Variants in TRDN observed in about 807,000 individuals in gnomAD.
TRDN encodes the protein triadin in skeletal muscle.
TRDN carries 161 observed loss-of-function variants against 149.7 expected under a neutral mutation model. The ratio of observed to expected loss-of-function variants is 1.08; its 90% CI spans 0.95 to 1.23. The LOEUF is 1.23. TRDN is among the 50% of genes most tolerant of loss of function. The probability of loss-of-function intolerance (pLI) is 0.00; values close to 1 mark genes in which losing one functional copy is unlikely to be tolerated. For synonymous variants in TRDN, 294 were observed against 250.5 expected (o/e 1.17, Z -1.64); for missense variants, 896 against 823.5 (o/e 1.09, Z -1.08).
chr6:123,411,991 G>C (rs1773459538), intron 12 of TRDN: 2 of 152,174 alleles, frequency 1.3e-5, no homozygotes, highest in African/African-American at 4.8e-5. Flanking sequence ...ACCAGCTTAT[G>C]AGACCAGATA....
intron 19 of TRDN, among the ~76,000 whole-genome samples, chr6:123,368,717 A>T (rs533297531): frequency 6.6e-6 from 1 of 152,226 alleles, no homozygotes; most frequent in African/African-American, 2.4e-5. Flanking sequence ...TTACTGCCAG[A>T]ATTTTGATTT....
intron 12 of TRDN, among the ~76,000 whole-genome samples, chr6:123,400,297 C>G (rs571964611): frequency 6.6e-6 from 1 of 151,588 alleles, no homozygotes; most frequent in Admixed American, 6.6e-5. Flanking sequence ...GTCTAGTTGA[C>G]AGGGCCTCTA....
intron 38 of TRDN, among the ~76,000 whole-genome samples, chr6:123,234,194 T>C (rs1775706981): frequency 6.6e-6 from 1 of 152,102 alleles, no homozygotes; most frequent in Admixed American, 6.6e-5. Context: ...ATTATGAATT[T>C]AGTGCTAATT....
chr6:123,299,149 GA>G (rs957101257), intron 24 of TRDN, among the ~76,000 whole-genome samples: 5 of 151,936 alleles, frequency 3.3e-5, no homozygotes, highest in African/African-American at 1.2e-4. Flanking sequence ...GGGTCTTAGG[GA>G]AAAAAATGAG....
At chr6:123,442,535 G>A (rs1774975459) in intron 10 of TRDN, among the ~76,000 whole-genome samples, 1 of 87,272 alleles carries the variant, frequency 1.1e-5, no homozygotes, top group East Asian at 2.6e-4. Context: ...CACAGAGCGA[G>A]ACTCCGTCTC....
intron 20 of TRDN, among the ~76,000 whole-genome samples, chr6:123,354,469 C>A (rs75937477): frequency 0.058 from 8,866 of 151,710 alleles, 870 homozygotes; most frequent in African/African-American, 0.2. Context: ...GTTTATTCAT[C>A]CAATCTTATT....
At chr6:123,492,496 C>G (rs1778265503) in intron 9 of TRDN, among the ~76,000 whole-genome samples, 1 of 152,014 alleles carries the variant, frequency 6.6e-6, no homozygotes. Context: ...TGCCCAGAAA[C>G]CCATGCAATT....
At position 123,366,141 on chromosome 6, in the gene TRDN, T is replaced by C; in HGVS notation, c.1315A>G (p.Lys439Glu). Residue 439 changes from lysine (K) to glutamate (E), a missense_variant, in exon 20 of 41, where the codon AAA (lysine) becomes GAA (glutamate). By Grantham distance (56) the Lys-to-Glu change is moderately conservative. Coordinates refer to ENST00000334268, the MANE Select transcript of TRDN (RefSeq NM_006073.4). ...AKEEIGAVSI[K>E]KAVPGKKEEK... ...ATCTTTAAGCTGCATTTACCTTTTT[T>C]AATTGAAACCGCACCAATCTCCTCT... is the stretch of plus-strand genomic sequence containing the variant. The C allele has an allele frequency of 6.2e-7, 1 of 1,612,420 alleles. No homozygotes were observed. The highest frequency in any genetic ancestry group is 8.5e-7 in the Non-Finnish European group (1 of 1,178,860).
At chr6:123,435,886 CA>C (rs1774540925) in intron 12 of TRDN, among the ~76,000 whole-genome samples, 1 of 152,028 alleles carries the variant, frequency 6.6e-6, no homozygotes, top group Non-Finnish European at 1.5e-5. Flanking sequence ...GGGCTAATAA[CA>C]CAGGTCTCCC....
chr6:123,506,082 A>C (rs1424223399), intron 7 of TRDN, among the ~76,000 whole-genome samples: 2 of 152,192 alleles, frequency 1.3e-5, no homozygotes, highest in South Asian at 4.1e-4. Flanking sequence ...TCATTCCAGA[A>C]TTCCACACTG....
At chr6:123,589,280 A>T (rs1783667212) in intron 1 of TRDN, among the ~76,000 whole-genome samples, 2 of 152,254 alleles carry the variant, frequency 1.3e-5, no homozygotes, top group South Asian at 2.1e-4. Flanking sequence ...TAAACATAAG[A>T]TCCATGAACT....
chr6:123,530,693 T>C, intron 4 of TRDN, 128 bp from the exon 5 acceptor site: 1 of 526,770 alleles, frequency 1.9e-6, no homozygotes, highest in East Asian at 5.7e-5. Context: ...ACAAGTTTAT[T>C]GGAGTCTAAA....
At chr6:123,327,637 C>A in intron 23 of TRDN, among the ~76,000 whole-genome samples, 1 of 151,974 alleles carries the variant, frequency 6.6e-6, no homozygotes, top group East Asian at 1.9e-4. Context: ...AATTATTCAT[C>A]ACTTATGTTT....
At chr6:123,446,277 C>T (rs1461040601) in intron 10 of TRDN, among the ~76,000 whole-genome samples, 1 of 151,798 alleles carries the variant, frequency 6.6e-6, no homozygotes, top group African/African-American at 2.4e-5. Context: ...GGGAGATATA[C>T]CTAATGCTAG....
At chr6:123,565,539 C>T (rs1337693456) in intron 2 of TRDN, among the ~76,000 whole-genome samples, 1 of 152,192 alleles carries the variant, frequency 6.6e-6, no homozygotes, top group Non-Finnish European at 1.5e-5. Context: ...CTGGAACTGT[C>T]TTCCCAGAAA....
intron 23 of TRDN, among the ~76,000 whole-genome samples, chr6:123,331,323 C>A (rs377641299): frequency 6.6e-6 from 1 of 151,986 alleles, no homozygotes; most frequent in African/African-American, 2.4e-5. Context: ...AAGAACAGTG[C>A]TTGATTTAGG....
intron 21 of TRDN, among the ~76,000 whole-genome samples, chr6:123,348,791 T>A (rs993124050): frequency 6.6e-6 from 1 of 152,126 alleles, no homozygotes; most frequent in Non-Finnish European, 1.5e-5. Flanking sequence ...TAATGTTGCA[T>A]GGTGAACATT....
At chr6:123,346,991 A>T (rs1426864823) in intron 21 of TRDN, among the ~76,000 whole-genome samples, 1 of 112 alleles carries the variant, frequency 8.9e-3, no homozygotes, top group East Asian at 0.5. Flanking sequence ...TTCAAACATA[A>T]AAAAAAAACA....
In TRDN at chr6:123,594,092, C is replaced by T. The variant is rs1023854083; in HGVS notation, c.23-22960G>A. ...TTTAAAAGATGTATGCATGTGTGCA[C>T]ATACATGCAAACACCATAGGTCAGT... is the stretch of plus-strand genomic sequence containing the variant. On this transcript the variant is annotated intron_variant, in intron 1 of 40. Transcript: ENST00000334268. Among the ~76,000 whole-genome samples the T allele has an allele frequency of 1.2e-3, 187 of 152,194 alleles. 1 individual carries two copies. The highest frequency in any genetic ancestry group is 4.3e-3 in the African/African-American group (177 of 41,540).
Sources: gnomAD v4.1 joint callset for allele counts (sites outside exome capture counted in the v4.1 genomes callset) on GRCh38, gnomAD v4.1.1 for gene constraint, MANE v1.5 for transcripts, NCBI Gene and HGNC (gene_info 2026-07-23, HGNC 2026-07-21) for gene names.